CEP170: variants seen among roughly 807,000 people sequenced by gnomAD.
CEP170 encodes centrosomal protein of 170 kDa.
Under a neutral mutation model 151.9 loss-of-function variants are expected in CEP170, and 21 were observed. The observed-to-expected ratio is 0.14, with a 90% CI of 0.10 to 0.20. The LOEUF (loss-of-function observed/expected upper bound fraction) is 0.20. Ranked by LOEUF, CEP170 falls within the 10% of genes least tolerant of loss-of-function variation. CEP170 has a pLI of 1.00. For synonymous variants in CEP170, 356 were observed against 648.8 expected, an observed-to-expected ratio of 0.55 and a Z score of 6.86; for missense variants, 964 against 1,892.9, an observed-to-expected ratio of 0.51 and a Z score of 9.11.
intron 1 of CEP170, among the ~76,000 whole-genome samples, chr1:243,227,369 G>T (rs1432579398): frequency 1.3e-5 from 2 of 152,118 alleles, no homozygotes; most frequent in Non-Finnish European, 2.9e-5. Context: ...TCAGTCATTT[G>T]TTTAAAGTAA....
At chr1:243,254,586 A>G (rs1026380044) in intron 1 of CEP170, 2 of 152,294 alleles carry the variant, frequency 1.3e-5, no homozygotes, top group Non-Finnish European at 2.9e-5. Flanking sequence ...AGCTGCTCCA[A>G]TGGGGGAAAA....
intron 4 of CEP170, among the ~76,000 whole-genome samples, chr1:243,206,308 A>G (rs1307703267): frequency 6.6e-6 from 1 of 152,092 alleles, no homozygotes; most frequent in Non-Finnish European, 1.5e-5. Flanking sequence ...TAATTTTTGT[A>G]TTTTTAATAG....
At chr1:243,244,341 T>C (rs988794819) in intron 1 of CEP170, among the ~76,000 whole-genome samples, 7 of 114,830 alleles carry the variant, frequency 6.1e-5, no homozygotes, top group African/African-American at 1.9e-4. Context: ...CTGCCCAAAA[T>C]AGAGAGCTCC....
chr1:243,210,940 A>C (rs2061747570), intron 4 of CEP170, among the ~76,000 whole-genome samples: 1 of 152,060 alleles, frequency 6.6e-6, no homozygotes, highest in Non-Finnish European at 1.5e-5. Context: ...CGTAAATGTC[A>C]AGGAACAATT....
chr1:243,154,913 C>T (rs1431193122), intron 14 of CEP170, among the ~76,000 whole-genome samples: 10 of 152,054 alleles, frequency 6.6e-5, no homozygotes, highest in Non-Finnish European at 1.3e-4. Context: ...CATACAGGCA[C>T]CACTGGATCT....
chr1:243,147,587 C>T (rs1301454985), intron 14 of CEP170, among the ~76,000 whole-genome samples: 6 of 152,144 alleles, frequency 3.9e-5, no homozygotes, highest in Non-Finnish European at 8.8e-5. Context: ...ATGAAATCAA[C>T]ATATGCAGGT....
intron 16 of CEP170, among the ~76,000 whole-genome samples, chr1:243,138,983 G>A (rs1157411493): frequency 6.6e-6 from 1 of 152,136 alleles, no homozygotes; most frequent in Non-Finnish European, 1.5e-5. Flanking sequence ...AACATTTTAA[G>A]ACTTTAACAT....
At chr1:243,179,163 T>C (rs2059455516) in intron 10 of CEP170, among the ~76,000 whole-genome samples, 1 of 152,234 alleles carries the variant, frequency 6.6e-6, no homozygotes, top group Admixed American at 6.5e-5. Context: ...ACTTCCTACA[T>C]CTTTCTCGAT....
intron 14 of CEP170, among the ~76,000 whole-genome samples, chr1:243,144,169 G>A (rs1028519334): frequency 2.6e-5 from 4 of 152,188 alleles, no homozygotes; most frequent in African/African-American, 9.7e-5. Context: ...ATGAAGCTTA[G>A]AATACACAGA....
Position 243,125,558 on chromosome 1 carries a change from T to C in CEP170, c.*891A>G, listed in dbSNP as rs2053631768. ...GGTAACACAGGACCAATATACATGT[T>C]CTGAGTTTTAAAAATATACTCCACC... On this transcript the variant is annotated 3_prime_UTR_variant, in exon 20 of 20. Transcript: ENST00000366542. The C allele has an allele frequency of 6.5e-6, 1 of 153,106 alleles. No homozygotes were observed. The highest frequency in any genetic ancestry group is 2.4e-5 in the African/African-American group (1 of 41,406). The allele number at this position is 153,106 out of a possible 1,614,324, so 9.5% of individuals were successfully genotyped here.
At chr1:243,204,606 T>C (rs556682320) in intron 4 of CEP170, among the ~76,000 whole-genome samples, 27 of 152,330 alleles carry the variant, frequency 1.8e-4, no homozygotes, top group Admixed American at 2.6e-4. Context: ...TACTCTGCTT[T>C]TCCTCCTAGC....
chr1:243,239,964 A>G (rs1298689621), intron 1 of CEP170, among the ~76,000 whole-genome samples: 1 of 152,214 alleles, frequency 6.6e-6, no homozygotes, highest in African/African-American at 2.4e-5. Context: ...AGTTTTATCA[A>G]TAGGCCAATA....
chr1:243,248,847 C>T (rs567839858), intron 1 of CEP170, among the ~76,000 whole-genome samples: 12 of 152,272 alleles, frequency 7.9e-5, no homozygotes, highest in East Asian at 7.7e-4. Context: ...CTCATTTCCT[C>T]CTATAAGCAC....
At chr1:243,173,404 G>A (rs1310177201) in intron 10 of CEP170, among the ~76,000 whole-genome samples, 5 of 150,614 alleles carry the variant, frequency 3.3e-5, no homozygotes, top group South Asian at 2.1e-4. Context: ...TGTCCTGTTC[G>A]ATTAAAAAAA....
rs141293741 is a variant in CEP170, at chr1:243,156,006, A to G, written c.3911+215T>C. ...GGGGGGAGACAGAAAAGGTCAAAAT[A>G]AATTAATTCTACAATATGTTAGTGG... On this transcript the variant is annotated intron_variant, in intron 14 of 19. Coordinates refer to ENST00000366542, the MANE Select transcript of CEP170 (RefSeq NM_014812.3). Among the ~76,000 whole-genome samples the G allele has an allele frequency of 3.4e-3, 513 of 152,270 alleles. 2 individuals are homozygous for G. Among genetic ancestry groups the G allele is most frequent in the African/African-American group, 0.011 (466 of 41,532 alleles).
intron 14 of CEP170, among the ~76,000 whole-genome samples, chr1:243,153,874 T>C (rs1373472823): frequency 5.2e-5 from 8 of 152,382 alleles, no homozygotes; most frequent in Admixed American, 5.2e-4. Flanking sequence ...TCTGTAAAGC[T>C]GGTATTGTAG....
At chr1:243,240,900 C>T (rs1318735420) in intron 1 of CEP170, among the ~76,000 whole-genome samples, 1 of 152,088 alleles carries the variant, frequency 6.6e-6, no homozygotes, top group Non-Finnish European at 1.5e-5. Context: ...ACCATGTTGG[C>T]CAGGCTGGTC....
At chr1:243,180,110 T>C (rs1371564518) in intron 10 of CEP170, among the ~76,000 whole-genome samples, 3 of 152,222 alleles carry the variant, frequency 2.0e-5, no homozygotes, top group Non-Finnish European at 4.4e-5. Flanking sequence ...AATTTTCTTA[T>C]ATATATTTTC....
intron 1 of CEP170, among the ~76,000 whole-genome samples, chr1:243,241,298 C>T (rs1032624506): frequency 1.8e-4 from 27 of 152,152 alleles, no homozygotes; most frequent in African/African-American, 6.5e-4. Flanking sequence ...AACAGAAAAA[C>T]CAGACACTAG....
Sources: gnomAD v4.1 joint callset for allele counts (sites outside exome capture counted in the v4.1 genomes callset) on GRCh38, gnomAD v4.1.1 for gene constraint, MANE v1.5 for transcripts, NCBI Gene and HGNC (gene_info 2026-07-23, HGNC 2026-07-21) for gene names.